Variants in ASCC3 observed in about 807,000 individuals in gnomAD.
ASCC3 encodes the protein ASC-1 complex subunit P200.
A neutral mutation model predicts 256.3 loss-of-function variants in ASCC3; 158 were observed. The ratio of observed to expected loss-of-function variants is 0.62; its 90% CI spans 0.54 to 0.70. ASCC3 has a LOEUF of 0.70. Ranked by LOEUF, ASCC3 falls within the 30% of genes least tolerant of loss-of-function variation. The pLI, the probability that ASCC3 is intolerant of heterozygous loss-of-function variation, is 0.00. For missense variants in ASCC3, 2,259 were observed against 2,626.0 expected, an observed-to-expected ratio of 0.86 and a Z score of 3.05; for synonymous variants, 948 against 883.4, an observed-to-expected ratio of 1.07 and a Z score of -1.30.
chr6:100,589,744 T>C lies in ASCC3; in HGVS notation c.5440A>G (p.Thr1814Ala). Residue 1814 changes from threonine to alanine, a missense_variant, in exon 36 of 42, where the codon ACT becomes GCT. Physicochemically the swap from Thr to Ala is moderately conservative, Grantham distance 58. Coordinates refer to ENST00000369162, the MANE Select transcript of ASCC3 (RefSeq NM_006828.4). Reference protein sequence around the residue: ...GEDNRSIEPLTYGRIASYYYL... With the variant: ...GEDNRSIEPLAYGRIASYYYL... ...TAATAGGAGGCAATTCGGCCATAAGTTAGAGGTTCAATGCTGCGATTATCC... is the reference window on the plus strand; with the variant it reads ...TAATAGGAGGCAATTCGGCCATAAGCTAGAGGTTCAATGCTGCGATTATCC... 4 of 1,613,754 alleles carry C rather than the reference T, an allele frequency of 2.5e-6. No individual in the cohort carries two copies. Among genetic ancestry groups the C allele is most frequent in the Non-Finnish European group, 3.4e-6 (4 of 1,179,792 alleles).
chr6:100,671,522 A>G (rs1188244299), intron 14 of ASCC3, among the ~76,000 whole-genome samples: 1 of 152,074 alleles, frequency 6.6e-6, no homozygotes, highest in East Asian at 1.9e-4. Context: ...AGGTAAAGGA[A>G]GTAAGGTATG....
chr6:100,791,765 A>G (rs1769359354), intron 8 of ASCC3, among the ~76,000 whole-genome samples: 1 of 152,022 alleles, frequency 6.6e-6, no homozygotes, highest in African/African-American at 2.4e-5. Context: ...TGACAAAATC[A>G]TGTGTTTCAC....
At chr6:100,857,871 C>T (rs1324094933) in intron 3 of ASCC3, 2 of 111,368 alleles carry the variant, frequency 1.8e-5, no homozygotes, top group Non-Finnish European at 3.8e-5. Context: ...CACACACACA[C>T]ATGCACACAT....
Position 100,668,351 on chromosome 6 carries a change from A to T in ASCC3, c.2287-5815T>A, listed in dbSNP as rs528807097. On this transcript the variant is annotated intron_variant, in intron 14 of 41. Coordinates refer to ENST00000369162, the MANE Select transcript of ASCC3 (RefSeq NM_006828.4). ...CAGAAAAGAGCACTTTGTAAAATTC[A>T]GTGCATTTCACTTAAACTGTTTGGA... Among the ~76,000 whole-genome samples the T allele has an allele frequency of 9.9e-5, 15 of 152,230 alleles. No homozygotes were observed. The East Asian group carries it at 2.3e-3, about 24-fold the overall frequency.
intron 5 of ASCC3, among the ~76,000 whole-genome samples, chr6:100,802,886 T>C (rs566474931): frequency 2.0e-5 from 3 of 151,952 alleles, no homozygotes; most frequent in Admixed American, 2.0e-4. Flanking sequence ...CACACACCTG[T>C]GGACCCATCT....
intron 14 of ASCC3, among the ~76,000 whole-genome samples, chr6:100,671,901 C>T (rs2114950696): frequency 6.6e-6 from 1 of 152,108 alleles, no homozygotes; most frequent in South Asian, 2.1e-4. Context: ...ACATCTGGTC[C>T]TTGCCTAGAT....
intron 3 of ASCC3, among the ~76,000 whole-genome samples, chr6:100,853,171 A>G (rs1169329422): frequency 6.6e-6 from 1 of 152,158 alleles, no homozygotes; most frequent in African/African-American, 2.4e-5. Context: ...GATTGTTACT[A>G]TAAGATTATA....
At chr6:100,591,904 GA>G (rs997789858) in intron 34 of ASCC3, among the ~76,000 whole-genome samples, 19 of 150,986 alleles carry the variant, frequency 1.3e-4, no homozygotes, top group Non-Finnish European at 2.2e-4. Context: ...AACTATCAAT[GA>G]AAAAAAACTT....
chr6:100,640,207 T>C (rs1775051565), intron 24 of ASCC3, among the ~76,000 whole-genome samples: 1 of 152,126 alleles, frequency 6.6e-6, no homozygotes, highest in Non-Finnish European at 1.5e-5. Flanking sequence ...AGCCGAGATA[T>C]GTTCTTAAAA....
chr6:100,584,839 A>G (rs947475305), intron 36 of ASCC3, among the ~76,000 whole-genome samples: 1 of 152,064 alleles, frequency 6.6e-6, no homozygotes, highest in African/African-American at 2.4e-5. Context: ...TCCTTCAGTT[A>G]TGAAGCTTAG....
chr6:100,645,992 G>A (rs1490330755), intron 22 of ASCC3, among the ~76,000 whole-genome samples: 2 of 151,944 alleles, frequency 1.3e-5, no homozygotes, highest in African/African-American at 4.8e-5. Context: ...CAAGTCTAAT[G>A]TTTCAAAAAA....
intron 13 of ASCC3, among the ~76,000 whole-genome samples, chr6:100,707,400 A>T (rs1778655220): frequency 6.6e-6 from 1 of 152,112 alleles, no homozygotes; most frequent in Admixed American, 6.6e-5. Flanking sequence ...AAAAAAATTA[A>T]GGGAATAAAA....
intron 8 of ASCC3, 25 bp from the exon 9 acceptor site, chr6:100,767,370 T>TA: frequency 6.3e-7 from 1 of 1,595,994 alleles, no homozygotes; most frequent in Non-Finnish European, 8.6e-7. Flanking sequence ...CATCACCCAT[T>TA]ATAAATAGTA....
intron 36 of ASCC3, among the ~76,000 whole-genome samples, chr6:100,564,708 A>G (rs1770139959): frequency 6.6e-6 from 1 of 152,184 alleles, no homozygotes; most frequent in Admixed American, 6.6e-5. Flanking sequence ...TATATAAAAT[A>G]TCCTTGTTGG....
chr6:100,546,446 G>A (rs1416690725), intron 36 of ASCC3, among the ~76,000 whole-genome samples: 1 of 152,128 alleles, frequency 6.6e-6, no homozygotes, highest in East Asian at 1.9e-4. Flanking sequence ...CAACGTTGAA[G>A]AGCTAGCCCT....
At chr6:100,717,094 T>A (rs1406013848) in intron 12 of ASCC3, among the ~76,000 whole-genome samples, 2 of 151,784 alleles carry the variant, frequency 1.3e-5, no homozygotes, top group African/African-American at 4.8e-5. Flanking sequence ...TATCATAAAC[T>A]CTCCCTTTGT....
chr6:100,650,854 AATG>A lies in ASCC3; in HGVS notation c.3076-143_3076-141del, dbSNP rs1205095515. On this transcript the variant is annotated intron_variant, in intron 19 of 41. Coordinates refer to ENST00000369162, the MANE Select transcript of ASCC3 (RefSeq NM_006828.4). The stretch of plus-strand genomic sequence containing the variant: ...TTTTTCTTTCATAGAGTTAAATAAC[AATG>A]ATTTTTCCATAGGTAGCTAAAAAAC... The A allele has an allele frequency of 2.6e-4, 188 of 718,256 alleles. 1 individual carries two copies. Among genetic ancestry groups the A allele is most frequent in the South Asian group, 4.0e-4 (23 of 57,444 alleles). 44.5% of individuals were successfully genotyped at this position (718,256 alleles called of 1,614,324 possible).
chr6:100,801,792 A>C (rs1196714264), intron 5 of ASCC3, among the ~76,000 whole-genome samples: 4 of 151,612 alleles, frequency 2.6e-5, no homozygotes, highest in Non-Finnish European at 5.9e-5. Flanking sequence ...AAAAGAATGC[A>C]ACATTCTGCC....
intron 38 of ASCC3, 93 bp from the exon 39 acceptor site, chr6:100,516,420 G>C: frequency 6.9e-7 from 1 of 1,456,992 alleles, no homozygotes. Context: ...AGCTTTTTTT[G>C]TTTTAATTAA....
Sources: allele counts gnomAD v4.1 joint callset (sites outside exome capture counted in the v4.1 genomes callset), GRCh38; gene constraint gnomAD v4.1.1; transcripts MANE v1.5; gene names NCBI Gene and HGNC (gene_info 2026-07-23, HGNC 2026-07-21).